Variants in PDE10A observed in about 807,000 individuals in gnomAD.
PDE10A encodes the protein cAMP and cAMP-inhibited cGMP 3',5'-cyclic phosphodiesterase 10A.
A neutral mutation model predicts 97.7 loss-of-function variants in PDE10A; 39 were observed. The observed-to-expected ratio is 0.40, with a 90% CI of 0.31 to 0.52. PDE10A has a LOEUF of 0.52. Among genes scored for constraint, PDE10A ranks in the 20% least tolerant of loss-of-function variants. The pLI, the probability that PDE10A is intolerant of heterozygous loss-of-function variation, is 0.56. For missense variants in PDE10A, 731 were observed against 1,047.8 expected, an observed-to-expected ratio of 0.70 and a Z score of 4.17; for synonymous variants, 371 against 376.8, an observed-to-expected ratio of 0.98 and a Z score of 0.18.
At chr6:165,783,964 A>T (rs1698509101) in intron 1 of PDE10A, among the ~76,000 whole-genome samples, 1 of 152,170 alleles carries the variant, frequency 6.6e-6, no homozygotes, top group Admixed American at 6.5e-5. Context: ...TCACGCATGT[A>T]ATCTCAGCAC....
intron 1 of PDE10A, among the ~76,000 whole-genome samples, chr6:165,683,485 T>C (rs558741533): frequency 1.6e-4 from 24 of 152,328 alleles, no homozygotes; most frequent in African/African-American, 5.8e-4. Context: ...GTCACGTTTC[T>C]CTACATATGC....
chr6:165,391,567 A>C (rs1785717373), intron 16 of PDE10A, among the ~76,000 whole-genome samples: 1 of 151,798 alleles, frequency 6.6e-6, no homozygotes, highest in African/African-American at 2.4e-5. Flanking sequence ...TTGTTAAGAC[A>C]AACAAATGAA....
At chr6:165,463,659 G>T (rs117299166) in intron 3 of PDE10A, among the ~76,000 whole-genome samples, 4,225 of 151,028 alleles carry the variant, frequency 0.028, 197 homozygotes, top group African/African-American at 0.097. Context: ...AAAGAAGGGG[G>T]ACATGTTGGG....
At chr6:165,545,851 T>TG (rs1270494999) in intron 1 of PDE10A, among the ~76,000 whole-genome samples, 1 of 152,050 alleles carries the variant, frequency 6.6e-6, no homozygotes, top group Non-Finnish European at 1.5e-5. Context: ...AAAGACTGTT[T>TG]GGCAGTTTCT....
chr6:165,478,829 A>G (rs1779441253), intron 3 of PDE10A, among the ~76,000 whole-genome samples: 1 of 152,184 alleles, frequency 6.6e-6, no homozygotes, highest in Non-Finnish European at 1.5e-5. Context: ...ACCTTAAGCC[A>G]GACATTCCTT....
At position 165,639,947 on chromosome 6, in the gene PDE10A, G is replaced by A. The variant is rs559918777; in HGVS notation, c.865+22000C>T. Reference sequence around the variant, plus strand: ...GAGCCAGGTGTGGTGGTGCACACCTGTGGTCCCGACGACTCAGGAGGCTCA... The same window carrying A: ...GAGCCAGGTGTGGTGGTGCACACCTATGGTCCCGACGACTCAGGAGGCTCA... On this transcript the variant is annotated intron_variant, in intron 1 of 21. Coordinates refer to ENST00000539869, the MANE Select transcript of PDE10A (RefSeq NM_001385079.1). 1.3e-3 allele frequency among the ~76,000 whole-genome samples: 199 copies of A among 151,940 alleles called. 2 individuals are homozygous for A. The highest frequency in any genetic ancestry group is 4.7e-3 in the African/African-American group (193 of 41,466).
chr6:165,901,817 G>T (rs375531573), intron 1 of PDE10A, among the ~76,000 whole-genome samples: 6 of 151,732 alleles, frequency 4.0e-5, no homozygotes, highest in Non-Finnish European at 8.8e-5. Context: ...AAAAAGAAAA[G>T]AATTTGTTTT....
intron 1 of PDE10A, among the ~76,000 whole-genome samples, chr6:165,892,327 C>G (rs530749640): frequency 1.3e-5 from 2 of 152,304 alleles, no homozygotes; most frequent in African/African-American, 4.8e-5. Context: ...TGGACTCCCC[C>G]CTCTTCATTC....
rs187395899 is a variant in PDE10A at position 165,900,317 on chromosome 6, C to A, written c.-615+87212G>T. The stretch of plus-strand genomic sequence containing the variant: ...AGAAACCCTATCTCTACTAAAAATA[C>A]AAAAATTAGCTGGGCATGATGTCAG... On this transcript the variant is annotated intron_variant, in intron 1 of 19. Transcript: ENST00000366882. Among the ~76,000 whole-genome samples, 54 of 152,180 alleles carry A rather than the reference C, an allele frequency of 3.5e-4. 1 individual carries two copies. In the East Asian group the frequency reaches 7.9e-3, roughly 22 times the overall value.
chr6:165,556,370 T>C (rs1784255237), intron 1 of PDE10A, among the ~76,000 whole-genome samples: 2 of 152,232 alleles, frequency 1.3e-5, no homozygotes, highest in Non-Finnish European at 2.9e-5. Context: ...GCCAAGGGTT[T>C]GGTCAAAGTA....
At chr6:165,654,886 C>T (rs1485566372) in intron 1 of PDE10A, among the ~76,000 whole-genome samples, 1 of 152,150 alleles carries the variant, frequency 6.6e-6, no homozygotes, top group East Asian at 1.9e-4. Context: ...TACCTTCCAT[C>T]TCAGGATCTT....
intron 12 of PDE10A, among the ~76,000 whole-genome samples, chr6:165,414,681 T>G (rs1217454700): frequency 6.6e-6 from 1 of 152,260 alleles, no homozygotes; most frequent in Non-Finnish European, 1.5e-5. Flanking sequence ...TTGCTTGTAG[T>G]ACTATCTAGA....
At chr6:165,846,062 A>C (rs1432614992) in intron 1 of PDE10A, among the ~76,000 whole-genome samples, 1 of 152,238 alleles carries the variant, frequency 6.6e-6, no homozygotes, top group Non-Finnish European at 1.5e-5. Context: ...AGAATGCATG[A>C]CAGCCTACAA....
intron 1 of PDE10A, among the ~76,000 whole-genome samples, chr6:165,855,180 C>T (rs534815222): frequency 6.6e-6 from 1 of 152,154 alleles, no homozygotes; most frequent in South Asian, 2.1e-4. Flanking sequence ...CAGCAGCTAC[C>T]CCAGGGCAGC....
At chr6:165,827,050 C>T (rs1290994926) in intron 1 of PDE10A, among the ~76,000 whole-genome samples, 1 of 152,146 alleles carries the variant, frequency 6.6e-6, no homozygotes, top group Non-Finnish European at 1.5e-5. Context: ...CGGTTGTCCC[C>T]TGACCAGGAC....
chr6:165,460,096 A>G (rs1216722754), intron 3 of PDE10A, among the ~76,000 whole-genome samples: 1 of 152,168 alleles, frequency 6.6e-6, no homozygotes, highest in African/African-American at 2.4e-5. Flanking sequence ...TCACCCCTGT[A>G]CAATGTCTGT....
At chr6:165,374,119 T>C (rs1482027919) in intron 18 of PDE10A, among the ~76,000 whole-genome samples, 2 of 146,448 alleles carry the variant, frequency 1.4e-5, no homozygotes, top group Non-Finnish European at 3.0e-5. Flanking sequence ...TTAGGAGATA[T>C]ACCTAATGCT....
Position 165,641,217 on chromosome 6 carries a change from A to C in PDE10A, c.865+20730T>G, listed in dbSNP as rs529590946. 7.2e-5 allele frequency among the ~76,000 whole-genome samples: 11 copies of C among 152,252 alleles called. No homozygotes were observed. In the South Asian group the frequency reaches 1.0e-3, roughly 14 times the overall value. ...CAAAGAAAAAAAAATGTTAAAAGTC[A>C]TAAGAAAGGTTTTTTTAAATCTTTT... On this transcript the variant is annotated intron_variant, in intron 1 of 21. Coordinates refer to ENST00000539869, the MANE Select transcript of PDE10A (RefSeq NM_001385079.1).
At chr6:165,363,219 T>C (rs1167358960) in intron 18 of PDE10A, among the ~76,000 whole-genome samples, 2 of 151,964 alleles carry the variant, frequency 1.3e-5, no homozygotes, top group Admixed American at 1.3e-4. Context: ...AATGATTAAA[T>C]AAAAAGAAAG....
Sources: gnomAD v4.1 joint callset for allele counts (sites outside exome capture counted in the v4.1 genomes callset) on GRCh38, gnomAD v4.1.1 for gene constraint, MANE v1.5 for transcripts, NCBI Gene and HGNC (gene_info 2026-07-23, HGNC 2026-07-21) for gene names.